Variants in CEP63 observed in about 807,000 individuals in gnomAD.
CEP63 encodes the protein centrosomal protein 63.
In CEP63, 84 loss-of-function variants were observed where a neutral mutation model predicts 89.1. The ratio of observed to expected loss-of-function variants is 0.94; its 90% confidence interval spans 0.79 to 1.13. The LOEUF is 1.13. CEP63 is among the 50% of genes most tolerant of loss of function. CEP63 has a pLI of 0.00. For synonymous variants in CEP63, 267 were observed against 272.5 expected (o/e 0.98, Z 0.20); for missense variants, 838 against 813.3 (o/e 1.03, Z -0.37).
the CEP63 span, chr3:134,647,555 A>G: frequency 6.8e-6 from 7 of 1,035,424 alleles, no homozygotes; most frequent in Middle Eastern, 2.0e-4. Context: ...GTGATGTACC[A>G]GTTGCAGACT....
the CEP63 span, chr3:134,651,482 G>A: frequency 2.0e-6 from 2 of 1,007,436 alleles, no homozygotes; most frequent in Non-Finnish European, 2.4e-6. Flanking sequence ...CAGCAAAGGG[G>A]CTCCAGATTG....
the CEP63 span, among the ~76,000 whole-genome samples, chr3:134,599,689 G>A: frequency 8.5e-5 from 13 of 152,068 alleles, no homozygotes; most frequent in South Asian, 2.1e-4. Flanking sequence ...CAGTGCCTTC[G>A]TGTTCTTCAA....
At chr3:134,575,620 TC>T (rs1387727866), downstream of CEP63, among the ~76,000 whole-genome samples, 14 of 151,450 alleles carry the variant, frequency 9.2e-5, no homozygotes, top group African/African-American at 3.4e-4. Context: ...CTTTTCTCTT[TC>T]TTTCTTTGGA....
chr3:134,725,846 A>G, the CEP63 span, among the ~76,000 whole-genome samples: 5 of 152,108 alleles, frequency 3.3e-5, no homozygotes, highest in Non-Finnish European at 7.4e-5. Context: ...GGTGGCCAAG[A>G]TGTGCTCACA....
intron 1 of CEP63, among the ~76,000 whole-genome samples, chr3:134,492,572 C>CTTT (rs77074365): frequency 7.2e-6 from 1 of 139,210 alleles, no homozygotes; most frequent in South Asian, 2.3e-4. Context: ...CACTTCCCTC[C>CTTT]TTTTTTTTTT....
chr3:134,532,555 T>G (rs914854518), intron 4 of CEP63, among the ~76,000 whole-genome samples: 4 of 152,180 alleles, frequency 2.6e-5, no homozygotes, highest in African/African-American at 9.6e-5. Context: ...TACAAAACTT[T>G]TGTTTAAAAT....
At chr3:134,630,610 A>T in the CEP63 span, among the ~76,000 whole-genome samples, 1 of 152,074 alleles carries the variant, frequency 6.6e-6, no homozygotes, top group South Asian at 2.1e-4. Flanking sequence ...CATAGATCTC[A>T]TCCTAAACAT....
chr3:134,495,652 C>T (rs963736560), intron 2 of CEP63, among the ~76,000 whole-genome samples: 12 of 152,128 alleles, frequency 7.9e-5, no homozygotes, highest in African/African-American at 2.2e-4. Context: ...TTAGTAGTCA[C>T]CTTACTGTGC....
intron 1 of CEP63, among the ~76,000 whole-genome samples, chr3:134,487,251 G>A (rs1454759327): frequency 6.6e-6 from 1 of 152,106 alleles, no homozygotes; most frequent in Non-Finnish European, 1.5e-5. Context: ...TTCTTATTTG[G>A]CATGCAGTAC....
chr3:134,513,166 C>T (rs1945394141), intron 3 of CEP63, among the ~76,000 whole-genome samples: 1 of 152,202 alleles, frequency 6.6e-6, no homozygotes, highest in South Asian at 2.1e-4. Context: ...GAACTCCCTT[C>T]ATCATTATTC....
At chr3:134,576,150 C>T (rs1188212594), downstream of CEP63, among the ~76,000 whole-genome samples, 2 of 152,130 alleles carry the variant, frequency 1.3e-5, no homozygotes, top group Non-Finnish European at 2.9e-5. Context: ...ATGAAAGAGC[C>T]TTGGTGGTGA....
At chr3:134,508,596 G>A (rs540111918) in intron 3 of CEP63, among the ~76,000 whole-genome samples, 1 of 152,144 alleles carries the variant, frequency 6.6e-6, no homozygotes, top group African/African-American at 2.4e-5. Flanking sequence ...AGAATTATGT[G>A]TGATTATGAT....
intron 6 of CEP63, among the ~76,000 whole-genome samples, chr3:134,544,972 T>G (rs1952930659): frequency 6.6e-6 from 1 of 152,128 alleles, no homozygotes; most frequent in Non-Finnish European, 1.5e-5. Context: ...GCCACTGTGC[T>G]CGGGTAATTT....
the CEP63 span, among the ~76,000 whole-genome samples, chr3:134,684,053 T>TA: frequency 6.6e-6 from 1 of 152,016 alleles, no homozygotes; most frequent in South Asian, 2.1e-4. Context: ...GCCTGGGAGG[T>TA]AAAACCACAG....
chr3:134,770,904 G>T, the CEP63 span, among the ~76,000 whole-genome samples: 21,122 of 152,162 alleles, frequency 0.14, 1,592 homozygotes, highest in Middle Eastern at 0.18. Flanking sequence ...CAAAGTTACA[G>T]CTTGTGTTGA....
At chr3:134,618,937 T>C in the CEP63 span, among the ~76,000 whole-genome samples, 29 of 152,302 alleles carry the variant, frequency 1.9e-4, 1 homozygote, top group South Asian at 6.0e-3. Flanking sequence ...ACCATTATGT[T>C]AATGCATCGC....
At chr3:134,671,819 T>C in the CEP63 span, among the ~76,000 whole-genome samples, 1 of 152,248 alleles carries the variant, frequency 6.6e-6, no homozygotes, top group East Asian at 1.9e-4. Flanking sequence ...CTGACTCTCA[T>C]GGCTTTTGGG....
At chr3:134,610,476 C>G in the CEP63 span, 2 of 1,054,012 alleles carry the variant, frequency 1.9e-6, no homozygotes, top group Non-Finnish European at 1.4e-6. Context: ...TGTTTGCTGC[C>G]CATCAGTCCT....
the CEP63 span, among the ~76,000 whole-genome samples, chr3:134,718,863 A>G: frequency 6.6e-6 from 1 of 152,202 alleles, no homozygotes; most frequent in Non-Finnish European, 1.5e-5. Flanking sequence ...CTAGTAATTC[A>G]GTTTAAGATT....
Sources: gnomAD v4.1 joint callset for allele counts (sites outside exome capture counted in the v4.1 genomes callset) on GRCh38, gnomAD v4.1.1 for gene constraint, MANE v1.5 for transcripts, NCBI Gene and HGNC (gene_info 2026-07-23, HGNC 2026-07-21) for gene names.